The following CCDC181 variants were observed in gnomAD, a reference collection of about 807,000 sequenced individuals.
CCDC181 encodes the protein coiled-coil domain containing 181.
Under a neutral mutation model 58.7 loss-of-function variants are expected in CCDC181, and 35 were observed. That is an observed-to-expected ratio of 0.60 (90% CI 0.46 to 0.79). The LOEUF (loss-of-function observed/expected upper bound fraction) is 0.79, where lower values mean the gene tolerates loss of function less well. Ranked by LOEUF, CCDC181 falls within the 30% of genes least tolerant of loss-of-function variation. The pLI is 0.00. For synonymous variants in CCDC181, 183 were observed against 197.5 expected (o/e 0.93, Z 0.62); for missense variants, 517 against 583.9 (o/e 0.89, Z 1.18).
intron 4 of CCDC181, among the ~76,000 whole-genome samples, chr1:169,398,673 A>G (rs1655182840): frequency 6.6e-6 from 1 of 152,252 alleles, no homozygotes; most frequent in Non-Finnish European, 1.5e-5. Flanking sequence ...CATACTAGCT[A>G]CATTTCAAGT....
chr1:169,409,416 G>T (rs1655840506), intron 4 of CCDC181, among the ~76,000 whole-genome samples: 1 of 152,136 alleles, frequency 6.6e-6, no homozygotes, highest in Non-Finnish European at 1.5e-5. Flanking sequence ...ACGTTTGATT[G>T]GTGTACCTGA....
rs776026811 is a variant in CCDC181, at chr1:169,421,498, A to T, written c.933T>A (p.Ser311Arg). The change falls in exon 3 of 6, where the codon AGT (serine) becomes AGA (arginine). Residue 311 changes from serine (S) to arginine (R), a missense_variant. Ser to Arg is a moderately radical substitution (Grantham distance 110, BLOSUM62 -1). Coordinates refer to ENST00000367806, the MANE Select transcript of CCDC181 (RefSeq NM_001300969.2). Reference protein sequence around the residue: ...CPSSAVNSDRSKGNGKSNHRT... With the variant: ...CPSSAVNSDRRKGNGKSNHRT... The stretch of plus-strand genomic sequence containing the variant: ...TGTGATTAGATTTCCCATTCCCTTT[A>T]CTTCGATCTGAGTTGACAGCAGAGC... 3 of 1,613,984 alleles carry T rather than the reference A, an allele frequency of 1.9e-6. No homozygotes were observed. The highest frequency in any genetic ancestry group is 2.5e-6 in the Non-Finnish European group (3 of 1,179,980).
intron 4 of CCDC181, among the ~76,000 whole-genome samples, chr1:169,418,551 T>C (rs1312644811): frequency 6.6e-6 from 1 of 151,892 alleles, no homozygotes; most frequent in East Asian, 1.9e-4. Flanking sequence ...TATATCTTTT[T>C]TTAGTAAGAA....
At chr1:169,439,787 T>C (rs140060435) in intron 2 of CCDC181, among the ~76,000 whole-genome samples, 5 of 152,072 alleles carry the variant, frequency 3.3e-5, no homozygotes, top group African/African-American at 9.6e-5. Flanking sequence ...GTGATGGAGG[T>C]GGTTCTCAGA....
Position 169,397,481 on chromosome 1 carries a change from C to T in CCDC181, c.1216-90G>A, listed in dbSNP as rs957661896. The T allele has an allele frequency of 1.5e-4, 174 of 1,174,754 alleles. 1 individual carries two copies. The highest frequency in any genetic ancestry group is 3.1e-5 in the African/African-American group (2 of 64,238). The allele number at this position is 1,174,754 out of a possible 1,614,324, so 72.8% of individuals were successfully genotyped here. On this transcript the variant is annotated intron_variant, in intron 4 of 5. Coordinates refer to ENST00000367806, the MANE Select transcript of CCDC181 (RefSeq NM_001300969.2). Reference sequence around the variant, plus strand: ...ATGGGATCCTACAAGAATATATTTCCTACTCTTCAATTTTTCATAATAATG... The same window carrying T: ...ATGGGATCCTACAAGAATATATTTCTTACTCTTCAATTTTTCATAATAATG...
At chr1:169,444,325 A>G (rs1557879923) in intron 2 of CCDC181, among the ~76,000 whole-genome samples, 1 of 152,180 alleles carries the variant, frequency 6.6e-6, no homozygotes, top group Non-Finnish European at 1.5e-5. Context: ...TTGCACGAGG[A>G]AGAAGAAATC....
intron 2 of CCDC181, among the ~76,000 whole-genome samples, chr1:169,452,999 T>G (rs1358818311): frequency 1.3e-5 from 2 of 152,060 alleles, no homozygotes; most frequent in Non-Finnish European, 2.9e-5. Flanking sequence ...TATTTTTGGC[T>G]GTAGTCTACT....
At chr1:169,418,726 A>G (rs2102083718) in intron 4 of CCDC181, 1 of 429,532 alleles carries the variant, frequency 2.3e-6, no homozygotes, top group Non-Finnish European at 4.1e-6. Context: ...GTGTGTGTGT[A>G]TCTTTGCCCT....
At chr1:169,422,629 A>C (rs1426257427) in intron 2 of CCDC181, among the ~76,000 whole-genome samples, 3 of 152,116 alleles carry the variant, frequency 2.0e-5, no homozygotes, top group African/African-American at 7.2e-5. Context: ...TTCCCCTATA[A>C]AATTTTCCTC....
At chr1:169,408,449 A>G (rs1655791785) in intron 4 of CCDC181, among the ~76,000 whole-genome samples, 1 of 152,346 alleles carries the variant, frequency 6.6e-6, no homozygotes, top group Non-Finnish European at 1.5e-5. Flanking sequence ...ACCTGGGGGA[A>G]GGGGTGGCTG....
At chr1:169,395,995 A>G (rs1028730607) in intron 5 of CCDC181, 5 of 152,148 alleles carry the variant, frequency 3.3e-5, no homozygotes, top group African/African-American at 1.2e-4. Context: ...AAGCAAATAA[A>G]CTGTAAGTCA....
At chr1:169,453,687 A>G (rs1049094603) in intron 2 of CCDC181, among the ~76,000 whole-genome samples, 1 of 134,594 alleles carries the variant, frequency 7.4e-6, no homozygotes, top group Non-Finnish European at 1.6e-5. Context: ...GATTCTCCAC[A>G]CTTCTCACTT....
In CCDC181 at chr1:169,419,121, CT is replaced by C; in HGVS notation, c.1106del (p.Lys369ArgfsTer6). On this transcript the variant is annotated frameshift_variant, in exon 4 of 6. Coordinates refer to ENST00000367806, the MANE Select transcript of CCDC181 (RefSeq NM_001300969.2). LOFTEE classifies it high-confidence loss of function. The part of the protein sequence containing the change: ...RRKIEEEKEK[K>X]RENDIVFKAW... ...CTTTAAATACTATGTCATTCTCTCT[CT>C]TTTTTTCTTTCTCTTCTTCTATTTT... is the stretch of plus-strand genomic sequence containing the variant. The C allele has an allele frequency of 2.4e-5, 39 of 1,608,226 alleles. No homozygotes were observed. Among genetic ancestry groups the C allele is most frequent in the Non-Finnish European group, 3.1e-5 (37 of 1,178,722 alleles).
At chr1:169,431,359 G>A (rs895164944), upstream of CCDC181, among the ~76,000 whole-genome samples, 3 of 128,024 alleles carry the variant, frequency 2.3e-5, no homozygotes, top group Non-Finnish European at 5.3e-5. Flanking sequence ...AGCATGATTG[G>A]TAGCCAAAAG....
At chr1:169,433,909 C>A (rs1656985877) in intron 2 of CCDC181, among the ~76,000 whole-genome samples, 1 of 151,956 alleles carries the variant, frequency 6.6e-6, no homozygotes, top group Non-Finnish European at 1.5e-5. Flanking sequence ...CAAAAGTAAA[C>A]AAATTGGACT....
chr1:169,425,093 C>T (rs1309618954), intron 1 of CCDC181, 143 bp from the exon 2 acceptor site: 1 of 418,030 alleles, frequency 2.4e-6, no homozygotes, highest in Non-Finnish European at 4.4e-6. Context: ...TTGAATACAC[C>T]ATGAAAGAGA....
intron 2 of CCDC181, among the ~76,000 whole-genome samples, chr1:169,441,174 T>C (rs932981158): frequency 2.0e-5 from 3 of 152,148 alleles, no homozygotes; most frequent in African/African-American, 7.2e-5. Context: ...GTAGTATATA[T>C]ATTTAAGTCT....
chr1:169,434,641 G>A (rs1417216561), intron 2 of CCDC181, among the ~76,000 whole-genome samples: 2 of 151,630 alleles, frequency 1.3e-5, no homozygotes, highest in African/African-American at 4.8e-5. Flanking sequence ...ACAATGGGAT[G>A]AACCTTTGAA....
At chr1:169,395,301 T>A (rs745769458) in intron 5 of CCDC181, 95 bp from the exon 6 acceptor site, 4 of 1,106,296 alleles carry the variant, frequency 3.6e-6, no homozygotes, top group African/African-American at 1.6e-5. Context: ...AAATGGACAT[T>A]TCTTTACAAT....
Sources: allele counts gnomAD v4.1 joint callset (sites outside exome capture counted in the v4.1 genomes callset), GRCh38; gene constraint gnomAD v4.1.1; transcripts MANE v1.5; gene names NCBI Gene and HGNC (gene_info 2026-07-23, HGNC 2026-07-21).